Variants in LRP8 observed in about 807,000 individuals in gnomAD.
LRP8 encodes the protein LDL receptor related protein 8.
Under a neutral mutation model 111.6 loss-of-function variants are expected in LRP8, and 46 were observed. The ratio of observed to expected loss-of-function variants is 0.41; its 90% CI spans 0.33 to 0.53. LRP8 has a LOEUF of 0.53. Among genes scored for constraint, LRP8 ranks in the 20% least tolerant of loss-of-function variants. LRP8 has a pLI of 0.20. For synonymous variants in LRP8, 464 were observed against 511.2 expected, an observed-to-expected ratio of 0.91 and a Z score of 1.24; for missense variants, 959 against 1,297.4, an observed-to-expected ratio of 0.74 and a Z score of 4.01.
intron 12 of LRP8, among the ~76,000 whole-genome samples, chr1:53,261,095 A>G (rs113904199): frequency 1.1e-4 from 16 of 152,302 alleles, no homozygotes; most frequent in African/African-American, 3.4e-4. Context: ...ATCCTCATAC[A>G]CAGATCTAAA....
At chr1:53,310,171 T>C (rs1019396195) in intron 2 of LRP8, among the ~76,000 whole-genome samples, 3 of 151,488 alleles carry the variant, frequency 2.0e-5, no homozygotes, top group Non-Finnish European at 4.4e-5. Flanking sequence ...AGGGATCCAT[T>C]TGGAGACAGC....
At position 53,262,317 on chromosome 1, in the gene LRP8, A is replaced by T; in HGVS notation, c.1775-110T>A. On this transcript the variant is annotated intron_variant, in intron 11 of 18. Coordinates refer to ENST00000306052, the MANE Select transcript of LRP8 (RefSeq NM_004631.5). The surrounding 1 kb of genome is among the most constrained non-coding windows in gnomAD (Gnocchi z 4.8). Reference sequence around the variant, plus strand: ...CTAGGCCTCACACTGAGGCCAGCCTACGGCAACCATTAGGAAACAAAGTCA... The same window carrying T: ...CTAGGCCTCACACTGAGGCCAGCCTTCGGCAACCATTAGGAAACAAAGTCA... 6.5e-7 allele frequency: 1 copy of T among 1,535,744 alleles called. No individual in the cohort carries two copies. The highest frequency in any genetic ancestry group is 1.2e-5 in the South Asian group (1 of 86,094).
At chr1:53,320,480 G>C (rs1465964964) in intron 2 of LRP8, among the ~76,000 whole-genome samples, 1 of 152,204 alleles carries the variant, frequency 6.6e-6, no homozygotes, top group South Asian at 2.1e-4. Context: ...CTAAGCCTGG[G>C]TGCGAGGAGG....
chr1:53,318,189 C>T (rs1478063647), intron 2 of LRP8, among the ~76,000 whole-genome samples: 3 of 152,044 alleles, frequency 2.0e-5, no homozygotes. Context: ...GGAGGAGATG[C>T]CTTCTACCAA....
chr1:53,296,676 A>G (rs1572596345), intron 2 of LRP8, among the ~76,000 whole-genome samples: 2 of 152,242 alleles, frequency 1.3e-5, no homozygotes, highest in South Asian at 4.1e-4. Flanking sequence ...CTGTCACCCC[A>G]GTCAACAGGA....
chr1:53,312,871 C>T (rs374757602), intron 2 of LRP8, among the ~76,000 whole-genome samples: 7 of 152,234 alleles, frequency 4.6e-5, no homozygotes, highest in South Asian at 2.1e-4. Context: ...GCCGAGGAGC[C>T]GTGTTCAATT....
At chr1:53,282,974 T>G (rs1647163509) in intron 3 of LRP8, among the ~76,000 whole-genome samples, 1 of 152,174 alleles carries the variant, frequency 6.6e-6, no homozygotes, top group Admixed American at 6.5e-5. Flanking sequence ...TCCCAGTTTT[T>G]GAACACCTAA....
chr1:53,290,934 T>C (rs1053938551), intron 2 of LRP8, among the ~76,000 whole-genome samples: 26 of 152,090 alleles, frequency 1.7e-4, no homozygotes, highest in Non-Finnish European at 3.2e-4. Context: ...CTCTGAATTA[T>C]TGGGGGCTCA....
chr1:53,327,649 A>G (rs896103378), intron 1 of LRP8, 140 bp downstream of exon 1: 1 of 1,262,474 alleles, frequency 7.9e-7, no homozygotes. Flanking sequence ...ATTCAGGAAT[A>G]GCCGCTTCGC....
In LRP8 at chr1:53,248,593, T is replaced by G. The variant is rs114004026; in HGVS notation, c.2853+787A>C. 1.6e-3 allele frequency among the ~76,000 whole-genome samples: 249 copies of G among 152,380 alleles called. 2 individuals carry two copies. The highest frequency in any genetic ancestry group is 5.8e-3 in the African/African-American group (243 of 41,592). The stretch of plus-strand genomic sequence containing the variant: ...TTCTATGAGTCTCAGTTTCCTCATC[T>G]GCAAAATGGGGCGAATAATATCAGC... On this transcript the variant is annotated intron_variant, in intron 18 of 18. Coordinates refer to ENST00000306052, the MANE Select transcript of LRP8 (RefSeq NM_004631.5).
intron 14 of LRP8, chr1:53,257,955 T>G (rs1646164961): frequency 4.7e-6 from 1 of 213,704 alleles, no homozygotes; most frequent in South Asian, 9.0e-5. Context: ...TGCTGTGTAG[T>G]GTTTGTTAAG....
At chr1:53,299,516 G>A in intron 2 of LRP8, among the ~76,000 whole-genome samples, 1 of 152,178 alleles carries the variant, frequency 6.6e-6, no homozygotes, top group South Asian at 2.1e-4. Context: ...CTGGGCTCTG[G>A]GCTCCTCACC....
At chr1:53,302,871 T>G (rs528744473) in intron 2 of LRP8, among the ~76,000 whole-genome samples, 3 of 149,406 alleles carry the variant, frequency 2.0e-5, no homozygotes, top group Non-Finnish European at 1.5e-5. Context: ...TTTTTTTTTT[T>G]GGATTTTTGT....
At chr1:53,256,101 A>T (rs1277772152) in intron 15 of LRP8, among the ~76,000 whole-genome samples, 1 of 152,242 alleles carries the variant, frequency 6.6e-6, no homozygotes, top group African/African-American at 2.4e-5. Flanking sequence ...GAAGCACTTT[A>T]TAGTTCAGAA....
rs78311767 is a variant in LRP8 at position 53,274,968 on chromosome 1, G to A, written c.1006+663C>T. ...GCCCAGGACAGACAGGTAAATCCAG[G>A]AACTGAGGAAGCTCTGCTCACAGGA... On this transcript the variant is annotated intron_variant, in intron 6 of 18. Transcript: ENST00000306052. The A allele has an allele frequency of 8.8e-3, 3,479 of 393,866 alleles. 118 individuals carry two copies. Among genetic ancestry groups the A allele is most frequent in the African/African-American group, 0.066 (3,203 of 48,368 alleles). The allele number at this position is 393,866 out of a possible 1,614,324, so 24.4% of individuals were successfully genotyped here. A position where few individuals can be genotyped will look rare whatever the true frequency, so the allele number is the denominator to read the frequency against.
At chr1:53,327,521 G>GCC (rs1293462973) in intron 1 of LRP8, 1 of 369,734 alleles carries the variant, frequency 2.7e-6, no homozygotes, top group Non-Finnish European at 4.7e-6. Flanking sequence ...ATGAATGGCC[G>GCC]CCCCTCCGGC....
At chr1:53,290,877 G>A (rs1648614226) in intron 2 of LRP8, among the ~76,000 whole-genome samples, 1 of 152,098 alleles carries the variant, frequency 6.6e-6, no homozygotes, top group South Asian at 2.1e-4. Context: ...AAGGGGCCTT[G>A]AGCGCTCCAC....
chr1:53,290,233 C>T (rs915734448), intron 2 of LRP8, among the ~76,000 whole-genome samples: 8 of 150,508 alleles, frequency 5.3e-5, no homozygotes, highest in Non-Finnish European at 1.0e-4. Context: ...TCAGTCCCTG[C>T]CCCCCGGTGC....
intron 7 of LRP8, 36 bp downstream of exon 7, chr1:53,271,191 T>G (rs762185518): frequency 1.9e-6 from 3 of 1,613,842 alleles, no homozygotes; most frequent in Non-Finnish European, 2.5e-6. Context: ...AGCAGGAGGA[T>G]CTGCTTCTGC....
Sources: gnomAD v4.1 joint callset for allele counts (sites outside exome capture counted in the v4.1 genomes callset) on GRCh38, gnomAD v4.1.1 for gene constraint, Gnocchi (gnomAD v3.1) non-coding constraint, MANE v1.5 for transcripts, NCBI Gene and HGNC (gene_info 2026-07-23, HGNC 2026-07-21) for gene names.